Variants in DNER observed in about 807,000 individuals in gnomAD.
DNER encodes delta/notch like EGF repeat containing.
Under a neutral mutation model 78.2 loss-of-function variants are expected in DNER, and 33 were observed. The observed-to-expected ratio is 0.42, with a 90% CI of 0.32 to 0.56. The LOEUF is 0.56. DNER is among the 20% of genes least tolerant of loss of function. DNER has a pLI of 0.11. For missense variants in DNER, 918 were observed against 975.3 expected, an observed-to-expected ratio of 0.94 and a Z score of 0.78; for synonymous variants, 417 against 384.8, an observed-to-expected ratio of 1.08 and a Z score of -0.98.
At chr2:229,586,747 T>C in intron 3 of DNER, 5 of 985,776 alleles carry the variant, frequency 5.1e-6, no homozygotes, top group Non-Finnish European at 6.0e-6. Context: ...AGCCCACATA[T>C]TACCTCTTCC....
intron 10 of DNER, among the ~76,000 whole-genome samples, chr2:229,394,944 C>T (rs561954482): frequency 2.0e-5 from 3 of 152,280 alleles, no homozygotes; most frequent in African/African-American, 7.2e-5. Flanking sequence ...TTGCCACCCT[C>T]GATGCCACAT....
chr2:229,673,673 C>G lies in DNER; in HGVS notation c.276+40475G>C, dbSNP rs113073009. On this transcript the variant is annotated intron_variant, in intron 1 of 12. Coordinates refer to ENST00000341772, the MANE Select transcript of DNER (RefSeq NM_139072.4). ...CATTCCTTAGCTCAGAATGCCAGGA[C>G]AGTGCTTAGCTATGTAGCACCAAAG... is the stretch of plus-strand genomic sequence containing the variant. Among the ~76,000 whole-genome samples, 976 of 152,260 alleles carry G rather than the reference C, an allele frequency of 6.4e-3. 10 individuals carry two copies. Among genetic ancestry groups the G allele is most frequent in the African/African-American group, 0.022 (908 of 41,544 alleles).
intron 1 of DNER, among the ~76,000 whole-genome samples, chr2:229,653,741 G>A (rs934632394): frequency 2.0e-5 from 3 of 152,170 alleles, no homozygotes; most frequent in Admixed American, 6.5e-5. Context: ...ATCTCCTACA[G>A]CTGTGACTTC....
chr2:229,487,827 T>C (rs1030248309), intron 6 of DNER, among the ~76,000 whole-genome samples: 5 of 152,160 alleles, frequency 3.3e-5, no homozygotes, highest in African/African-American at 1.2e-4. Context: ...AACAGCATAC[T>C]GAGTAAATGA....
chr2:229,388,447 G>T, intron 10 of DNER, 51 bp from the exon 11 acceptor site: 1 of 1,520,872 alleles, frequency 6.6e-7, no homozygotes, highest in Non-Finnish European at 8.8e-7. Flanking sequence ...CATGGTTCCT[G>T]TCATTTTTCT....
chr2:229,708,538 C>T (rs899396004), intron 1 of DNER, among the ~76,000 whole-genome samples: 3 of 152,176 alleles, frequency 2.0e-5, no homozygotes, highest in African/African-American at 7.2e-5. Context: ...GCAGTCACTG[C>T]CTCTGGGTTA....
intron 5 of DNER, among the ~76,000 whole-genome samples, chr2:229,525,516 T>C (rs1416350301): frequency 6.6e-6 from 1 of 152,160 alleles, no homozygotes; most frequent in African/African-American, 2.4e-5. Flanking sequence ...CTTGATATCA[T>C]GGAAGTTAAC....
intron 10 of DNER, among the ~76,000 whole-genome samples, chr2:229,393,410 A>G (rs1325378859): frequency 6.6e-6 from 1 of 152,144 alleles, no homozygotes; most frequent in Non-Finnish European, 1.5e-5. Flanking sequence ...TGGGTGACAG[A>G]GTGAGACTCC....
chr2:229,455,816 T>G lies in DNER; in HGVS notation c.1262-8276A>C, dbSNP rs532463346. ...TTTTAAATATACTAAGTCATTTAAC[T>G]CTCACATCAATCCTATGAGATAAGA... On this transcript the variant is annotated intron_variant, in intron 7 of 12. Transcript: ENST00000341772. 7.2e-4 allele frequency among the ~76,000 whole-genome samples: 110 copies of G among 152,252 alleles called. 2 individuals are homozygous for G. The highest frequency in any genetic ancestry group is 2.6e-3 in the African/African-American group (108 of 41,492).
At chr2:229,694,445 C>T (rs1699631494) in intron 1 of DNER, among the ~76,000 whole-genome samples, 1 of 82,556 alleles carries the variant, frequency 1.2e-5, no homozygotes, top group South Asian at 5.3e-4. Context: ...CTGGAAAAAC[C>T]ACAGAGACTC....
intron 9 of DNER, 109 bp from the exon 10 acceptor site, chr2:229,407,454 C>G: frequency 1.1e-6 from 1 of 923,790 alleles, no homozygotes; most frequent in Non-Finnish European, 1.7e-6. Flanking sequence ...AGATTCCCAG[C>G]GTGGGTGTGT....
At chr2:229,704,849 G>T (rs559332567) in intron 1 of DNER, among the ~76,000 whole-genome samples, 42 of 152,344 alleles carry the variant, frequency 2.8e-4, no homozygotes, top group South Asian at 1.0e-3. Context: ...ATCCTTTGTA[G>T]AAGAAGCAAT....
intron 2 of DNER, among the ~76,000 whole-genome samples, chr2:229,589,909 CA>C (rs34805706): frequency 3.8e-4 from 52 of 137,380 alleles, no homozygotes; most frequent in Admixed American, 4.4e-4. Context: ...TGTGGTAATA[CA>C]AAAAAAAAAA....
chr2:229,638,155 G>T (rs532082874), intron 1 of DNER, among the ~76,000 whole-genome samples: 3 of 152,128 alleles, frequency 2.0e-5, no homozygotes, highest in African/African-American at 7.2e-5. Context: ...TAGATTTCAC[G>T]CAATCCTAGT....
At chr2:229,697,214 A>G (rs943971703) in intron 1 of DNER, among the ~76,000 whole-genome samples, 10 of 152,274 alleles carry the variant, frequency 6.6e-5, no homozygotes, top group Admixed American at 3.9e-4. Flanking sequence ...ATGAATCTCA[A>G]AAACATTATA....
intron 1 of DNER, among the ~76,000 whole-genome samples, chr2:229,608,541 A>G (rs968536034): frequency 5.3e-5 from 8 of 152,258 alleles, no homozygotes; most frequent in African/African-American, 9.6e-5. Flanking sequence ...AACTAGAGCT[A>G]TATCTGAAAG....
At chr2:229,477,935 G>A (rs1004200421) in intron 6 of DNER, among the ~76,000 whole-genome samples, 9 of 152,218 alleles carry the variant, frequency 5.9e-5, no homozygotes, top group African/African-American at 2.2e-4. Flanking sequence ...AAATAAGGAT[G>A]TAAATCGATT....
intron 8 of DNER, among the ~76,000 whole-genome samples, chr2:229,430,978 G>T (rs573720037): frequency 1.3e-4 from 20 of 152,040 alleles, no homozygotes; most frequent in Non-Finnish European, 2.1e-4. Context: ...TTTCTGAGAT[G>T]CAGGGAACAG....
At chr2:229,407,459 G>GT in intron 9 of DNER, 114 bp from the exon 10 acceptor site, 2 of 823,942 alleles carry the variant, frequency 2.4e-6, no homozygotes, top group African/African-American at 3.4e-5. Flanking sequence ...CCCAGCGTGG[G>GT]TGTGTGTGGG....
Sources: allele counts gnomAD v4.1 joint callset (sites outside exome capture counted in the v4.1 genomes callset), GRCh38; gene constraint gnomAD v4.1.1; transcripts MANE v1.5; gene names NCBI Gene and HGNC (gene_info 2026-07-23, HGNC 2026-07-21).